The following RRBP1 variants were observed in gnomAD, a reference collection of about 807,000 sequenced individuals.
RRBP1 encodes the protein ribosome-binding protein 1.
Under a neutral mutation model 165.2 loss-of-function variants are expected in RRBP1, and 94 were observed. That is an observed-to-expected ratio of 0.57 (90% CI 0.48 to 0.68). The LOEUF is 0.68. Among genes scored for constraint, RRBP1 ranks in the 30% least tolerant of loss-of-function variants. The probability of loss-of-function intolerance (pLI) is 0.00; values close to 1 mark genes in which losing one functional copy is unlikely to be tolerated. For synonymous variants in RRBP1, 680 were observed against 714.5 expected (o/e 0.95, Z 0.77); for missense variants, 1,676 against 1,763.0 (o/e 0.95, Z 0.88).
chr20:17,673,535 A>C (rs2037019182), intron 2 of RRBP1, among the ~76,000 whole-genome samples: 1 of 152,092 alleles, frequency 6.6e-6, no homozygotes, highest in Admixed American at 6.5e-5. Context: ...CAGCCTCCCA[A>C]GTAGCTGCGA....
chr20:17,636,810 G>A (rs937126127), intron 5 of RRBP1, 81 bp from the exon 6 acceptor site: 22 of 1,551,484 alleles, frequency 1.4e-5, no homozygotes, highest in South Asian at 1.3e-4. Flanking sequence ...AGCATCACCC[G>A]AGCTGGGAGG....
chr20:17,649,295 G>A (rs1421385737), intron 3 of RRBP1, among the ~76,000 whole-genome samples: 1 of 152,204 alleles, frequency 6.6e-6, no homozygotes, highest in Non-Finnish European at 1.5e-5. Context: ...AGGGGCACCT[G>A]CCGGGCAGGG....
chr20:17,656,766 A>G (rs2036652904), intron 3 of RRBP1, among the ~76,000 whole-genome samples: 2 of 152,234 alleles, frequency 1.3e-5, no homozygotes, highest in South Asian at 2.1e-4. Context: ...AAATCTCAAG[A>G]AAGTTTGGCT....
Position 17,616,739 on chromosome 20 carries a change from G to A in RRBP1, c.3860C>T (p.Pro1287Leu). The change falls in exon 21 of 25, where the codon CCC (proline) becomes CTC (leucine). Residue 1287 changes from proline (P) to leucine (L), a missense_variant. Transcript: ENST00000377813. ...SPEAPPAEQD[P>L]VQLKTQLEWT... The stretch of plus-strand genomic sequence containing the variant: ...CCAGCTCACCGCCCTAACCTGAACG[G>A]GGTCCTGCTCGGCTGGGGGCGCCTC... 1 of 1,608,254 alleles carries A rather than the reference G, an allele frequency of 6.2e-7. No individual in the cohort carries two copies. Among genetic ancestry groups the A allele is most frequent in the Non-Finnish European group, 8.5e-7 (1 of 1,176,888 alleles).
chr20:17,620,410 TG>T, intron 17 of RRBP1, 40 bp from the exon 18 acceptor site: 1 of 1,554,258 alleles, frequency 6.4e-7, no homozygotes, highest in Non-Finnish European at 8.9e-7. Context: ...CACGAGCACC[TG>T]GGGGTGTCTC....
intron 3 of RRBP1, among the ~76,000 whole-genome samples, chr20:17,648,215 C>T (rs563558422): frequency 4.7e-4 from 71 of 152,256 alleles, no homozygotes; most frequent in Non-Finnish European, 9.0e-4. Context: ...TCACTGCTGG[C>T]CTCTAACTGC....
intron 8 of RRBP1, among the ~76,000 whole-genome samples, chr20:17,632,326 T>C (rs2036166019): frequency 6.6e-6 from 1 of 152,126 alleles, no homozygotes; most frequent in African/African-American, 2.4e-5. Flanking sequence ...GAATGACACG[T>C]GATGGTGACA....
At chr20:17,627,299 C>T (rs368558937) in intron 11 of RRBP1, 49 bp downstream of exon 11, 74 of 1,601,724 alleles carry the variant, frequency 4.6e-5, no homozygotes, top group African/African-American at 1.1e-4. Context: ...GGTCTTTGGT[C>T]CCCCGGGCTG....
chr20:17,679,390 G>A (rs1382797015), intron 2 of RRBP1, among the ~76,000 whole-genome samples: 1 of 152,210 alleles, frequency 6.6e-6, no homozygotes, highest in Non-Finnish European at 1.5e-5. Flanking sequence ...CAGACGGACA[G>A]CACAGTCCCT....
chr20:17,667,896 G>A (rs759578198), intron 2 of RRBP1, among the ~76,000 whole-genome samples: 9 of 152,170 alleles, frequency 5.9e-5, no homozygotes, highest in Non-Finnish European at 1.3e-4. Flanking sequence ...TGGATTAACT[G>A]AGGACAGAAT....
At chr20:17,641,998 G>T (rs2036371708) in intron 4 of RRBP1, 79 bp from the exon 5 acceptor site, 3 of 1,468,888 alleles carry the variant, frequency 2.0e-6, no homozygotes, top group Non-Finnish European at 1.9e-6. Context: ...AAGAGCAGAG[G>T]CCTGAGGGCT....
intron 22 of RRBP1, 65 bp from the exon 23 acceptor site, chr20:17,615,594 T>TA: frequency 7.4e-7 from 1 of 1,358,982 alleles, no homozygotes. Context: ...GTCAAGACCC[T>TA]ACCGAGCACG....
chr20:17,677,794 A>G (rs1357972874), intron 2 of RRBP1, among the ~76,000 whole-genome samples: 1 of 152,102 alleles, frequency 6.6e-6, no homozygotes, highest in Non-Finnish European at 1.5e-5. Context: ...AACCAAGATC[A>G]CGCCATTGGA....
At chr20:17,660,658 A>ATGAT in intron 2 of RRBP1, 130 bp from the exon 3 acceptor site, 1 of 635,000 alleles carries the variant, frequency 1.6e-6, no homozygotes. Flanking sequence ...AGAAGAAACA[A>ATGAT]ACCCAGGCAC....
chr20:17,617,503 C>G (rs2035824398), intron 20 of RRBP1, among the ~76,000 whole-genome samples: 1 of 152,264 alleles, frequency 6.6e-6, no homozygotes, highest in Non-Finnish European at 1.5e-5. Context: ...TTCTTCCCTC[C>G]CTCTGAACAG....
intron 1 of RRBP1, among the ~76,000 whole-genome samples, chr20:17,681,036 C>A (rs913132941): frequency 5.3e-5 from 8 of 151,946 alleles, no homozygotes; most frequent in Non-Finnish European, 8.8e-5. Flanking sequence ...TGCGGGCGCC[C>A]CACTGGAAGC....
chr20:17,630,913 C>A (rs1004709828), intron 8 of RRBP1, among the ~76,000 whole-genome samples: 7 of 152,206 alleles, frequency 4.6e-5, no homozygotes, highest in African/African-American at 1.7e-4. Flanking sequence ...TCTTTTAGGG[C>A]AATGGCTGCA....
At chr20:17,626,858 G>A (rs1369162909) in intron 11 of RRBP1, among the ~76,000 whole-genome samples, 1 of 152,242 alleles carries the variant, frequency 6.6e-6, no homozygotes, top group Admixed American at 6.5e-5. Flanking sequence ...CAGCAGTGAA[G>A]TCACCTCACA....
At chr20:17,654,322 C>T (rs568573691) in intron 3 of RRBP1, among the ~76,000 whole-genome samples, 2 of 152,322 alleles carry the variant, frequency 1.3e-5, no homozygotes, top group South Asian at 4.1e-4. Flanking sequence ...CTAAATGCTT[C>T]TTCTTGTACA....
Sources: gnomAD v4.1 joint callset for allele counts (sites outside exome capture counted in the v4.1 genomes callset) on GRCh38, gnomAD v4.1.1 for gene constraint, MANE v1.5 for transcripts, NCBI Gene and HGNC (gene_info 2026-07-23, HGNC 2026-07-21) for gene names.